Variants in ARL13B observed in about 807,000 individuals in gnomAD.
The protein encoded by ARL13B is ADP-ribosylation factor-like protein 13B.
A neutral mutation model predicts 56.1 loss-of-function variants in ARL13B; 36 were observed. The observed-to-expected ratio is 0.64, with a 90% CI of 0.49 to 0.85. The LOEUF (loss-of-function observed/expected upper bound fraction) is 0.85. Among genes scored for constraint, ARL13B ranks in the 40% least tolerant of loss-of-function variants. The pLI is 0.00. For synonymous variants in ARL13B, 178 were observed against 171.1 expected (o/e 1.04, Z -0.32); for missense variants, 519 against 507.1 (o/e 1.02, Z -0.23).
intron 3 of ARL13B, among the ~76,000 whole-genome samples, chr3:94,015,589 A>G (rs1044707049): frequency 6.6e-6 from 1 of 152,158 alleles, no homozygotes; most frequent in African/African-American, 2.4e-5. Context: ...TTTTTGTAAT[A>G]AAGAATGCTT....
At chr3:94,007,643 A>G (rs573092351) in intron 3 of ARL13B, among the ~76,000 whole-genome samples, 4 of 152,250 alleles carry the variant, frequency 2.6e-5, no homozygotes, top group Admixed American at 2.6e-4. Flanking sequence ...CATGACAACA[A>G]TATGGGGGAA....
At chr3:93,995,851 T>G (rs372602852) in intron 1 of ARL13B, 23 bp from the exon 2 acceptor site, 4 of 1,589,844 alleles carry the variant, frequency 2.5e-6, no homozygotes, top group Non-Finnish European at 2.6e-6. Flanking sequence ...AGAAAGTGAT[T>G]TTTAAATTTC....
chr3:94,043,142 A>G lies in ARL13B; in HGVS notation c.926A>G (p.Gln309Arg), dbSNP rs766797911. The change falls in exon 7 of 10, where the codon CAA becomes CGA. Residue 309 changes from glutamine to arginine, a missense_variant. Coordinates refer to ENST00000394222, the MANE Select transcript of ARL13B (RefSeq NM_001174150.2). ...ETQGQVNHNG[Q>R]KNNEFGLVEN... ...CAAGGCCAGGTTAATCACAATGGCCAAAAAAATAATGAATTTGGACTAGTA... is the reference window on the plus strand; with the variant it reads ...CAAGGCCAGGTTAATCACAATGGCCGAAAAAATAATGAATTTGGACTAGTA... 6.2e-7 allele frequency: 1 copy of G among 1,613,486 alleles called. No individual in the cohort carries two copies. The highest frequency in any genetic ancestry group is 8.5e-7 in the Non-Finnish European group (1 of 1,179,838).
At position 94,053,316 on chromosome 3, in the gene ARL13B, C is replaced by A. The variant is rs2077096080; in HGVS notation, c.*53C>A. ...TATCAGCAAGGTGAACTGGGACATT[C>A]TTCTTTCTCAGAAGAAGAAACATCT... On this transcript the variant is annotated 3_prime_UTR_variant, in exon 10 of 10. Coordinates refer to ENST00000394222, the MANE Select transcript of ARL13B (RefSeq NM_001174150.2). 2 of 1,484,716 alleles carry A rather than the reference C, an allele frequency of 1.3e-6. No homozygotes were observed. The highest frequency in any genetic ancestry group is 1.4e-5 in the African/African-American group (1 of 72,162). The allele number at this position is 1,484,716 out of a possible 1,614,324, so 92.0% of individuals were successfully genotyped here.
chr3:94,020,045 G>A (rs2076416061), intron 3 of ARL13B, among the ~76,000 whole-genome samples: 1 of 152,074 alleles, frequency 6.6e-6, no homozygotes, highest in Non-Finnish European at 1.5e-5. Flanking sequence ...AACATACCAT[G>A]TATTTTACTT....
At chr3:94,041,586 A>C (rs1054448251) in intron 6 of ARL13B, among the ~76,000 whole-genome samples, 1 of 152,180 alleles carries the variant, frequency 6.6e-6, no homozygotes, top group Admixed American at 6.5e-5. Flanking sequence ...GCTATTCTAC[A>C]AAGTTAAAAA....
chr3:93,987,319 A>G (rs1293398800), intron 1 of ARL13B, among the ~76,000 whole-genome samples: 1 of 152,160 alleles, frequency 6.6e-6, no homozygotes, highest in African/African-American at 2.4e-5. Context: ...TAATTTGTAT[A>G]TCCGTTATAT....
intron 7 of ARL13B, among the ~76,000 whole-genome samples, chr3:94,048,404 C>T (rs1416453683): frequency 6.6e-6 from 1 of 152,112 alleles, no homozygotes; most frequent in Non-Finnish European, 1.5e-5. Context: ...ATTTACCTTA[C>T]TAAAATTTAT....
At chr3:93,991,286 A>G (rs185959586) in intron 1 of ARL13B, among the ~76,000 whole-genome samples, 11 of 152,336 alleles carry the variant, frequency 7.2e-5, no homozygotes, top group Non-Finnish European at 1.6e-4. Flanking sequence ...GATATTGGCA[A>G]TCTTTGATCT....
At chr3:94,043,388 G>A (rs2076898651) in intron 7 of ARL13B, 148 bp downstream of exon 7, 3 of 775,934 alleles carry the variant, frequency 3.9e-6, no homozygotes, top group Admixed American at 5.4e-5. Flanking sequence ...TTTTCTCAAG[G>A]TCTTTTATTA....
chr3:93,987,743 G>T (rs1168409261), intron 1 of ARL13B, among the ~76,000 whole-genome samples: 1 of 152,010 alleles, frequency 6.6e-6, no homozygotes, highest in South Asian at 2.1e-4. Context: ...TGACTGCCCG[G>T]GCTCAACCGA....
At chr3:94,018,432 C>G (rs1444181728) in intron 3 of ARL13B, among the ~76,000 whole-genome samples, 1 of 151,834 alleles carries the variant, frequency 6.6e-6, no homozygotes, top group Non-Finnish European at 1.5e-5. Context: ...TGTTTTTTTT[C>G]TCTTACCTTT....
rs760335094 is a variant in ARL13B, at chr3:94,003,796, T to A, written c.268T>A (p.Tyr90Asn). 2.5e-6 allele frequency: 4 copies of A among 1,613,774 alleles called. No homozygotes were observed. Among genetic ancestry groups the A allele is most frequent in the Non-Finnish European group, 2.5e-6 (3 of 1,179,768 alleles). The change falls in exon 3 of 10, where the codon TAT (tyrosine) becomes AAT (asparagine). Residue 90 changes from tyrosine to asparagine, a missense_variant. Coordinates refer to ENST00000394222, the MANE Select transcript of ARL13B (RefSeq NM_001174150.2). The part of the protein sequence containing the change: ...GIWKNYYAES[Y>N]GVIFVVDSSD... ...CTGGAAGAATTACTATGCTGAATCC[T>A]ATGGGGTAATATTTGTTGTGGATTC...
chr3:94,053,192 T>C lies in ARL13B; in HGVS notation c.1216T>C (p.Tyr406His). Residue 406 changes from tyrosine to histidine, a missense_variant, in exon 10 of 10, where the codon TAT (tyrosine) becomes CAT (histidine). Tyr to His is a moderately conservative substitution (Grantham distance 83). Coordinates refer to ENST00000394222, the MANE Select transcript of ARL13B (RefSeq NM_001174150.2). ...PLGETHHNDFYRKPLPPLAVP... is the reference protein window; with the variant it reads ...PLGETHHNDFHRKPLPPLAVP... ...GGTTTTCTTTCTTTTCTTAGATTTC[T>C]ATAGGAAGCCACTGCCTCCCCTGGC... is the stretch of plus-strand genomic sequence containing the variant. 1 of 1,611,760 alleles carries C rather than the reference T, an allele frequency of 6.2e-7. No homozygotes were observed.
At chr3:94,010,033 A>C (rs181089143) in intron 3 of ARL13B, among the ~76,000 whole-genome samples, 2 of 152,096 alleles carry the variant, frequency 1.3e-5, no homozygotes, top group African/African-American at 4.8e-5. Flanking sequence ...TAGACCTTCA[A>C]AATTTTTGAG....
At chr3:94,017,778 G>T (rs2107503447) in intron 3 of ARL13B, among the ~76,000 whole-genome samples, 1 of 152,280 alleles carries the variant, frequency 6.6e-6, no homozygotes, top group Admixed American at 6.5e-5. Flanking sequence ...AAGAGCCGAG[G>T]GAGTGTATTG....
intron 1 of ARL13B, among the ~76,000 whole-genome samples, chr3:93,990,859 C>T (rs567664043): frequency 6.6e-6 from 1 of 152,196 alleles, no homozygotes; most frequent in East Asian, 1.9e-4. Context: ...TTTACCTTTC[C>T]CTTGCTTGAC....
chr3:93,981,828 C>T (rs1242641547), intron 1 of ARL13B, among the ~76,000 whole-genome samples: 4 of 136,326 alleles, frequency 2.9e-5, no homozygotes, highest in Non-Finnish European at 4.6e-5. Flanking sequence ...GAGCCGATAT[C>T]GCTGCACTCC....
intron 3 of ARL13B, among the ~76,000 whole-genome samples, chr3:94,030,332 T>C (rs907496636): frequency 6.6e-6 from 1 of 151,854 alleles, no homozygotes; most frequent in African/African-American, 2.4e-5. Context: ...GTTCAAGCGA[T>C]TCTCATGCCT....
Sources: gnomAD v4.1 joint callset for allele counts (sites outside exome capture counted in the v4.1 genomes callset) on GRCh38, gnomAD v4.1.1 for gene constraint, MANE v1.5 for transcripts, NCBI Gene and HGNC (gene_info 2026-07-23, HGNC 2026-07-21) for gene names.